SLC66A2: variants seen among roughly 807,000 people sequenced by gnomAD.
SLC66A2 encodes PQ loop repeat containing 1.
A neutral mutation model predicts 25.5 loss-of-function variants in SLC66A2; 23 were observed. That is an observed-to-expected ratio of 0.90 (90% CI 0.65 to 1.28). The LOEUF (loss-of-function observed/expected upper bound fraction) is 1.28, where lower values mean the gene tolerates loss of function less well. Ranked by LOEUF, SLC66A2 falls within the 50% of genes most tolerant of loss-of-function variation. The pLI is 0.00. For synonymous variants in SLC66A2, 193 were observed against 166.5 expected (o/e 1.16, Z -1.23); for missense variants, 396 against 373.1 (o/e 1.06, Z -0.51).
chr18:79,928,864 T>C (rs964076912), intron 4 of SLC66A2, among the ~76,000 whole-genome samples: 1 of 152,094 alleles, frequency 6.6e-6, no homozygotes, highest in Non-Finnish European at 1.5e-5. Context: ...CTGCCTCAGC[T>C]TGCTCACTGG....
chr18:79,930,668 A>T (rs1166193815), intron 4 of SLC66A2, among the ~76,000 whole-genome samples: 1 of 152,210 alleles, frequency 6.6e-6, no homozygotes, highest in Non-Finnish European at 1.5e-5. Flanking sequence ...TATATTTGAC[A>T]ATAATATTAA....
chr18:79,927,382 A>T lies in SLC66A2; in HGVS notation c.391+6587T>A, dbSNP rs929162176. 6.6e-6 allele frequency among the ~76,000 whole-genome samples: 1 copy of T among 152,118 alleles called. No individual in the cohort carries two copies. The highest frequency in any genetic ancestry group is 2.4e-5 in the African/African-American group (1 of 41,410). ...GAGGGGCACAGGCTACAGTCAGGAG[A>T]GCACAGACAAGAGGCCCCCGAGGCC... On this transcript the variant is annotated intron_variant, in intron 4 of 5. Coordinates refer to ENST00000397778, the MANE Select transcript of SLC66A2 (RefSeq NM_025078.5). This position sits in a 1 kb window ranked among gnomAD's most constrained non-coding sequence, Gnocchi z 6.2.
At position 79,948,664 on chromosome 18, in the gene SLC66A2, T is replaced by C. The variant is rs142701337; in HGVS notation, c.203+2060A>G. Among the ~76,000 whole-genome samples, 11 of 152,288 alleles carry C rather than the reference T, an allele frequency of 7.2e-5. No individual in the cohort carries two copies. The East Asian group carries it at 2.1e-3, about 29-fold the overall frequency. The stretch of plus-strand genomic sequence containing the variant: ...CCTAATTTATTTTCTTTTAGCAACT[T>C]TGAACTATGAGCATACTGGGGAGGG... On this transcript the variant is annotated intron_variant, in intron 2 of 5. Transcript: ENST00000397778.
intron 5 of SLC66A2, among the ~76,000 whole-genome samples, chr18:79,907,198 G>A (rs1215514044): frequency 3.3e-5 from 5 of 152,172 alleles, no homozygotes; most frequent in Admixed American, 3.3e-4. Flanking sequence ...TTTGAATTTA[G>A]ATCGACCATT....
At position 79,933,968 on chromosome 18, in the gene SLC66A2, C is replaced by A; in HGVS notation, c.391+1G>T. The A allele has an allele frequency of 6.2e-7, 1 of 1,611,780 alleles. No individual in the cohort carries two copies. Among genetic ancestry groups the A allele is most frequent in the East Asian group, 2.2e-5 (1 of 44,844 alleles). On this transcript the variant is annotated splice_donor_variant, in intron 4 of 5. Transcript: ENST00000397778. LOFTEE classifies it high-confidence loss of function. ...GGACAGTGCACGCGCAGGGTACATA[C>A]CCAGGAAGGACCGCCTGGGGGCAAC...
rs114219684 is a variant in SLC66A2, at chr18:79,924,159, A to G, written c.392-4759T>C. On this transcript the variant is annotated intron_variant, in intron 4 of 5. Coordinates refer to ENST00000397778, the MANE Select transcript of SLC66A2 (RefSeq NM_025078.5). The stretch of plus-strand genomic sequence containing the variant: ...AGGATGGCAGAGGGACAGCAGGGTG[A>G]GAGGCACGAGGCGAGGCAGCTGAGA... Among the ~76,000 whole-genome samples, 1,287 of 152,286 alleles carry G rather than the reference A, an allele frequency of 8.5e-3. 27 individuals carry two copies. The highest frequency in any genetic ancestry group is 0.029 in the African/African-American group (1,189 of 41,560).
Position 79,903,382 on chromosome 18 carries a change from C to A in SLC66A2, c.*594G>T, listed in dbSNP as rs1981516037. 6.5e-6 allele frequency: 1 copy of A among 153,266 alleles called. No homozygotes were observed. The highest frequency in any genetic ancestry group is 1.5e-5 in the Non-Finnish European group (1 of 68,780). The allele number at this position is 153,266 out of a possible 1,614,324, so 9.5% of individuals were successfully genotyped here. A position where few individuals can be genotyped will look rare whatever the true frequency, so the allele number is the denominator to read the frequency against. ...CAGGCCTCGCAGCCACTCCAAAGGC[C>A]CAGGAAACACCGACTGTCAGAAAAC... is the stretch of plus-strand genomic sequence containing the variant. On this transcript the variant is annotated 3_prime_UTR_variant, in exon 6 of 6. Transcript: ENST00000397778.
intron 2 of SLC66A2, chr18:79,944,678 G>A (rs983071957): frequency 6.6e-6 from 1 of 152,412 alleles, no homozygotes; most frequent in African/African-American, 2.4e-5. Flanking sequence ...CCTGCAGTTT[G>A]GCCTGAAGGG....
rs1395908544 is a variant in SLC66A2, at chr18:79,918,445, G to GGGCACCGGGGAGGGTCCCCAGTGAGGAGC, written c.608+710_608+738dup. ...CGGGGGGGGGTCCCCAGTGAGGAGC[G>GGGCACCGGGGAGGGTCCCCAGTGAGGAGC]GGCACCGGGGAGGGTCCCCAGTGAG... On this transcript the variant is annotated intron_variant, in intron 5 of 5. Coordinates refer to ENST00000397778, the MANE Select transcript of SLC66A2 (RefSeq NM_025078.5). This position sits in a 1 kb window ranked among gnomAD's most constrained non-coding sequence, Gnocchi z 4.0. Among the ~76,000 whole-genome samples, 713 of 149,206 alleles carry GGGCACCGGGGAGGGTCCCCAGTGAGGAGC rather than the reference G, an allele frequency of 4.8e-3. 11 individuals carry two copies. The highest frequency in any genetic ancestry group is 0.017 in the African/African-American group (674 of 39,906).
intron 2 of SLC66A2, among the ~76,000 whole-genome samples, chr18:79,950,140 G>A (rs1389443591): frequency 5.9e-5 from 9 of 151,924 alleles, no homozygotes; most frequent in African/African-American, 1.9e-4. Context: ...CCAGGAGTTC[G>A]AGACCAGCCT....
chr18:79,903,948 C>A lies in SLC66A2; in HGVS notation c.*28G>T, dbSNP rs778137994. On this transcript the variant is annotated 3_prime_UTR_variant, in exon 6 of 6. Coordinates refer to ENST00000397778, the MANE Select transcript of SLC66A2 (RefSeq NM_025078.5). ...AGGGCCCACCAGTGCCCGCGGCTGGCGGTCCCACATCCTCGTCCTCCCCAC... is the reference window on the plus strand; with the variant it reads ...AGGGCCCACCAGTGCCCGCGGCTGGAGGTCCCACATCCTCGTCCTCCCCAC... The A allele has an allele frequency of 1.3e-6, 2 of 1,565,556 alleles. No homozygotes were observed. The highest frequency in any genetic ancestry group is 2.3e-5 in the South Asian group (2 of 86,498).
At position 79,950,711 on chromosome 18, in the gene SLC66A2, G is replaced by T. The variant is rs201364198; in HGVS notation, c.203+13C>A. The T allele has an allele frequency of 1.4e-3, 2,180 of 1,612,550 alleles. 2 individuals are homozygous for T. The highest frequency in any genetic ancestry group is 1.8e-3 in the Non-Finnish European group (2,080 of 1,179,576). ...CTCCGGGTGCAGCCCAGGAAAGCAA[G>T]CCCCCAACTTACCAGAAGAGTATCC... On this transcript the variant is annotated intron_variant, in intron 2 of 5. Transcript: ENST00000397778.
chr18:79,904,123 C>A lies in SLC66A2; in HGVS notation c.669G>T (p.Leu223=), dbSNP rs1297056907. 6.2e-7 allele frequency: 1 copy of A among 1,612,950 alleles called. No individual in the cohort carries two copies. The highest frequency in any genetic ancestry group is 2.2e-5 in the East Asian group (1 of 44,888). ...CGGAGAACTGCAGAGGGGCACCCTT[C>A]AGCAGGAAGTAGGCCGTCTTGAAGG... ...GDAFKTAYFL[L]KGAPLQFSVC... Residue 223 remains leucine (L), a synonymous_variant, in exon 6 of 6, where the codon CTG becomes CTT. Transcript: ENST00000397778. This position sits in a 1 kb window ranked among gnomAD's most constrained non-coding sequence, Gnocchi z 6.3.
chr18:79,907,651 T>C (rs1474559636), intron 5 of SLC66A2, among the ~76,000 whole-genome samples: 1 of 152,152 alleles, frequency 6.6e-6, no homozygotes, highest in Non-Finnish European at 1.5e-5. Context: ...GTGTCAGGCC[T>C]GTATAGTTCT....
intron 5 of SLC66A2, among the ~76,000 whole-genome samples, chr18:79,906,663 C>T (rs1982168465): frequency 6.6e-6 from 1 of 152,230 alleles, no homozygotes; most frequent in Admixed American, 6.5e-5. Context: ...GCCCAACGGG[C>T]ATCTGAAAAG....
Position 79,942,724 on chromosome 18 carries a change from T to C in SLC66A2, c.337+605A>G, listed in dbSNP as rs145208077. 1.7e-3 allele frequency among the ~76,000 whole-genome samples: 261 copies of C among 152,334 alleles called. 2 individuals carry two copies. The highest frequency in any genetic ancestry group is 6.2e-3 in the African/African-American group (256 of 41,578). On this transcript the variant is annotated intron_variant, in intron 3 of 5. Coordinates refer to ENST00000397778, the MANE Select transcript of SLC66A2 (RefSeq NM_025078.5). ...GTTCAGACTGGAACAAACTGTGCAATAGGCAAAAACTGGAAGAAGTATTTT... is the reference window on the plus strand; with the variant it reads ...GTTCAGACTGGAACAAACTGTGCAACAGGCAAAAACTGGAAGAAGTATTTT...
chr18:79,927,891 C>G lies in SLC66A2; in HGVS notation c.391+6078G>C, dbSNP rs1986157208. Among the ~76,000 whole-genome samples, 1 of 152,274 alleles carries G rather than the reference C, an allele frequency of 6.6e-6. No homozygotes were observed. Among genetic ancestry groups the G allele is most frequent in the Non-Finnish European group, 1.5e-5 (1 of 68,046 alleles). ...CACTGCCCTAACAGCTGCTGAGACA[C>G]ATTCCTGCAGCCGCCTCAGCTAGAG... On this transcript the variant is annotated intron_variant, in intron 4 of 5. Coordinates refer to ENST00000397778, the MANE Select transcript of SLC66A2 (RefSeq NM_025078.5). This position sits in a 1 kb window ranked among gnomAD's most constrained non-coding sequence, Gnocchi z 6.2.
In SLC66A2 at chr18:79,941,263, C is replaced by T. The variant is rs1987641609; in HGVS notation, c.337+2066G>A. Among the ~76,000 whole-genome samples the T allele has an allele frequency of 6.6e-6, 1 of 152,200 alleles. No individual in the cohort carries two copies. Among genetic ancestry groups the T allele is most frequent in the East Asian group, 1.9e-4 (1 of 5,182 alleles). ...CCGACCCATGGCAGAGAGCCAGGCCCTCAGCTCCAGCACCTGACCATCTCC... is the reference window on the plus strand; with the variant it reads ...CCGACCCATGGCAGAGAGCCAGGCCTTCAGCTCCAGCACCTGACCATCTCC... On this transcript the variant is annotated intron_variant, in intron 3 of 5. Transcript: ENST00000397778. The surrounding 1 kb of genome is among the most constrained non-coding windows in gnomAD (Gnocchi z 4.1).
chr18:79,923,022 C>T (rs968645129), intron 4 of SLC66A2, among the ~76,000 whole-genome samples: 18 of 151,598 alleles, frequency 1.2e-4, no homozygotes, highest in Non-Finnish European at 2.5e-4. Flanking sequence ...CCCTCTCTCA[C>T]TCTGAGTGAG....
Sources: allele counts gnomAD v4.1 joint callset (sites outside exome capture counted in the v4.1 genomes callset), GRCh38; gene constraint gnomAD v4.1.1; non-coding constraint Gnocchi (gnomAD v3.1); transcripts MANE v1.5; gene names NCBI Gene and HGNC (gene_info 2026-07-23, HGNC 2026-07-21).